MGMT: variants seen among roughly 807,000 people sequenced by gnomAD.
The protein encoded by MGMT is O-6-methylguanine-DNA methyltransferase.
MGMT carries 14 observed loss-of-function variants against 15.9 expected under a neutral mutation model. The observed-to-expected ratio is 0.88, with a 90% CI of 0.58 to 1.37. MGMT has a LOEUF of 1.37. Ranked by LOEUF, MGMT falls within the 40% of genes most tolerant of loss-of-function variation. MGMT has a pLI of 0.00. For missense variants in MGMT, 282 were observed against 268.1 expected (o/e 1.05, Z -0.36); for synonymous variants, 130 against 118.2 (o/e 1.10, Z -0.65).
chr10:129,656,504 T>A (rs1218004066), intron 2 of MGMT, among the ~76,000 whole-genome samples: 2 of 152,152 alleles, frequency 1.3e-5, no homozygotes, highest in Non-Finnish European at 2.9e-5. Context: ...GAAAGTTTAT[T>A]TTGCCAAGAT....
chr10:129,760,793 T>C (rs1848863657), intron 4 of MGMT, among the ~76,000 whole-genome samples: 1 of 152,282 alleles, frequency 6.6e-6, no homozygotes, highest in Admixed American at 6.5e-5. Flanking sequence ...AGGAGTGAGA[T>C]ACCACAGGGA....
At chr10:129,538,206 C>T (rs1846006567) in intron 2 of MGMT, among the ~76,000 whole-genome samples, 1 of 152,152 alleles carries the variant, frequency 6.6e-6, no homozygotes, top group Non-Finnish European at 1.5e-5. Context: ...ATTCATTTGA[C>T]AAAAGTGTAC....
chr10:129,722,423 G>A (rs12569708), intron 3 of MGMT, among the ~76,000 whole-genome samples: 33,804 of 151,656 alleles, frequency 0.22, 4,559 homozygotes, highest in East Asian at 0.43. Context: ...TGGAAGAGGC[G>A]GTGTTACGGA....
intron 3 of MGMT, among the ~76,000 whole-genome samples, chr10:129,757,151 G>A (rs1482430083): frequency 4.6e-5 from 7 of 152,296 alleles, no homozygotes; most frequent in South Asian, 2.1e-4. Flanking sequence ...TGCCTGGTAC[G>A]GACCAGTTAA....
chr10:129,614,344 C>T (rs563588225), intron 2 of MGMT, among the ~76,000 whole-genome samples: 3 of 152,262 alleles, frequency 2.0e-5, no homozygotes, highest in East Asian at 3.9e-4. Flanking sequence ...CGTCACAAGC[C>T]GTCTAAGACA....
intron 2 of MGMT, among the ~76,000 whole-genome samples, chr10:129,631,391 A>G (rs1847208193): frequency 6.6e-6 from 1 of 152,234 alleles, no homozygotes; most frequent in Admixed American, 6.5e-5. Flanking sequence ...GGACTCTTAC[A>G]ATGTAAACTT....
intron 1 of MGMT, among the ~76,000 whole-genome samples, chr10:129,524,853 G>A (rs1845852105): frequency 6.6e-6 from 1 of 152,106 alleles, no homozygotes; most frequent in Non-Finnish European, 1.5e-5. Flanking sequence ...GCCTCCCAAA[G>A]TGCTGGGATT....
At chr10:129,654,622 T>G (rs1847502440) in intron 2 of MGMT, among the ~76,000 whole-genome samples, 1 of 152,014 alleles carries the variant, frequency 6.6e-6, no homozygotes, top group African/African-American at 2.4e-5. Context: ...ACCTGCTGCC[T>G]GGAGCACAGG....
chr10:129,718,871 C>T (rs765413631), intron 3 of MGMT, among the ~76,000 whole-genome samples: 11 of 151,984 alleles, frequency 7.2e-5, no homozygotes, highest in Admixed American at 2.0e-4. Context: ...GGCATGTCAC[C>T]TTCTGCTCAG....
intron 2 of MGMT, among the ~76,000 whole-genome samples, chr10:129,699,149 C>T (rs1025530046): frequency 6.6e-6 from 1 of 152,054 alleles, no homozygotes; most frequent in African/African-American, 2.4e-5. Flanking sequence ...TACAATTTTC[C>T]TTTTAATGAT....
rs373795568 is a variant in MGMT, at chr10:129,749,228, T to C, written c.275-9974T>C. On this transcript the variant is annotated intron_variant, in intron 3 of 4. Transcript: ENST00000651593. ...ATGTATGATATCATGTTTTCACCAT[T>C]ACAGTAACATGCAGAATAATTTTAC... is the stretch of plus-strand genomic sequence containing the variant. Among the ~76,000 whole-genome samples, 51 of 152,308 alleles carry C rather than the reference T, an allele frequency of 3.3e-4. 1 individual carries two copies. The South Asian group carries it at 0.01, about 31-fold the overall frequency.
rs138884936 is a variant in MGMT, at chr10:129,669,905, G to T, written c.126-37990G>T. Among the ~76,000 whole-genome samples the T allele has an allele frequency of 2.0e-3, 305 of 152,204 alleles. 1 individual carries two copies. The highest frequency in any genetic ancestry group is 3.5e-3 in the Non-Finnish European group (239 of 67,988). ...TTTATTTTTAAAAAATATAAAGTCC[G>T]ATTTACAAAGCTATTTAATGTTTGA... On this transcript the variant is annotated intron_variant, in intron 2 of 4. Coordinates refer to ENST00000651593, the MANE Select transcript of MGMT (RefSeq NM_002412.5).
In MGMT at chr10:129,467,252, TCCCGACGCCCGCAGG is replaced by T. The variant is rs1296715009; in HGVS notation, c.-56_-42del. ...GCCCGCGCCCCTAGAACGCTTTGCG[TCCCGACGCCCGCAGG>T]TCCTCGCGGTGCGCACCGTTTGCGA... On this transcript the variant is annotated 5_prime_UTR_variant, in exon 1 of 5. Transcript: ENST00000651593. 10 of 1,535,620 alleles carry T rather than the reference TCCCGACGCCCGCAGG, an allele frequency of 6.5e-6. No individual in the cohort carries two copies. Among genetic ancestry groups the T allele is most frequent in the Non-Finnish European group, 8.8e-6 (10 of 1,140,988 alleles).
At chr10:129,619,139 C>T (rs1847061889) in intron 2 of MGMT, among the ~76,000 whole-genome samples, 1 of 152,028 alleles carries the variant, frequency 6.6e-6, no homozygotes, top group Non-Finnish European at 1.5e-5. Context: ...AAGTTCTATT[C>T]TTGTAGGCTG....
intron 2 of MGMT, chr10:129,700,697 T>C (rs1028184079): frequency 6.6e-6 from 1 of 152,238 alleles, no homozygotes; most frequent in African/African-American, 2.4e-5. Flanking sequence ...TTCAGCCTCC[T>C]GTTTAAAATA....
chr10:129,750,132 T>A (rs1195584860), intron 3 of MGMT, among the ~76,000 whole-genome samples: 1 of 152,166 alleles, frequency 6.6e-6, no homozygotes, highest in Non-Finnish European at 1.5e-5. Context: ...AAACTCCAGC[T>A]TATTCATTTT....
intron 3 of MGMT, among the ~76,000 whole-genome samples, chr10:129,750,775 T>C (rs1411758932): frequency 6.6e-6 from 1 of 152,118 alleles, no homozygotes; most frequent in Non-Finnish European, 1.5e-5. Context: ...TGACTGTATA[T>C]CTGTGTGTGC....
chr10:129,729,008 CTT>C (rs911655424), intron 3 of MGMT, among the ~76,000 whole-genome samples: 18 of 152,166 alleles, frequency 1.2e-4, no homozygotes, highest in African/African-American at 7.2e-5. Flanking sequence ...ACATCAGGCT[CTT>C]TCTCTAGTGA....
intron 2 of MGMT, among the ~76,000 whole-genome samples, chr10:129,680,444 C>T (rs921280591): frequency 2.6e-5 from 4 of 151,890 alleles, no homozygotes; most frequent in Admixed American, 1.3e-4. Context: ...TTTGGTTACC[C>T]GCCAGCACTG....
Sources: gnomAD v4.1 joint callset for allele counts (sites outside exome capture counted in the v4.1 genomes callset) on GRCh38, gnomAD v4.1.1 for gene constraint, MANE v1.5 for transcripts, NCBI Gene and HGNC (gene_info 2026-07-23, HGNC 2026-07-21) for gene names.